The following NTN1 variants were observed in gnomAD, a reference collection of about 807,000 sequenced individuals.
NTN1 encodes netrin 1, also known as netrin-1.
NTN1 carries 11 observed loss-of-function variants against 54.2 expected under a neutral mutation model. The ratio of observed to expected loss-of-function variants is 0.20; its 90% CI spans 0.13 to 0.34. The LOEUF (loss-of-function observed/expected upper bound fraction) is 0.34. Ranked by LOEUF, NTN1 falls within the 10% of genes least tolerant of loss-of-function variation. The pLI is 1.00. For synonymous variants in NTN1, 371 were observed against 382.0 expected (o/e 0.97, Z 0.33); for missense variants, 740 against 893.1 (o/e 0.83, Z 2.18).
chr17:9,186,622 GATGGTAGTCTGA>G (rs1198323657), intron 5 of NTN1, among the ~76,000 whole-genome samples: 1 of 152,218 alleles, frequency 6.6e-6, no homozygotes, highest in Non-Finnish European at 1.5e-5. Flanking sequence ...ACATTACCTT[GATGGTAGTCTGA>G]AAGGAAAACT....
chr17:9,028,709 A>C (rs2091879371), intron 2 of NTN1, among the ~76,000 whole-genome samples: 1 of 152,194 alleles, frequency 6.6e-6, no homozygotes, highest in Non-Finnish European at 1.5e-5. Context: ...TGTGCTTTTC[A>C]TTAAGTAAAT....
In NTN1 at chr17:9,219,659, C is replaced by A. The variant is rs1212729566; in HGVS notation, c.1412-1509C>A. On this transcript the variant is annotated intron_variant, in intron 5 of 6. Transcript: ENST00000173229. This position sits in a 1 kb window ranked among gnomAD's most constrained non-coding sequence, Gnocchi z 4.5. ...CCTGGAGAGGTCTCCCTGAACACTCCCTGCAGATCTAAGTCCTGGGTTGGG... is the reference window on the plus strand; with the variant it reads ...CCTGGAGAGGTCTCCCTGAACACTCACTGCAGATCTAAGTCCTGGGTTGGG... Among the ~76,000 whole-genome samples the A allele has an allele frequency of 1.3e-5, 2 of 152,214 alleles. No homozygotes were observed. The highest frequency in any genetic ancestry group is 4.8e-5 in the African/African-American group (2 of 41,456).
chr17:9,217,353 G>C (rs990242861), intron 5 of NTN1, among the ~76,000 whole-genome samples: 1 of 152,154 alleles, frequency 6.6e-6, no homozygotes, highest in South Asian at 2.1e-4. Context: ...CATCAGTTTC[G>C]TTTTTGGCAC....
intron 2 of NTN1, among the ~76,000 whole-genome samples, chr17:9,108,748 C>G (rs1469162393): frequency 6.6e-6 from 1 of 152,166 alleles, no homozygotes; most frequent in Admixed American, 6.5e-5. Context: ...GGCTGGTGGT[C>G]CTTTCTGTCC....
chr17:9,211,443 C>T lies in NTN1; in HGVS notation c.1412-9725C>T, dbSNP rs1003841644. Among the ~76,000 whole-genome samples, 3 of 152,170 alleles carry T rather than the reference C, an allele frequency of 2.0e-5. No homozygotes were observed. The highest frequency in any genetic ancestry group is 7.2e-5 in the African/African-American group (3 of 41,426). The stretch of plus-strand genomic sequence containing the variant: ...CGTCAGGAATGGGAGTGATGACACT[C>T]GTGCTGTTGGCCTCTCCCCTCCTGC... On this transcript the variant is annotated intron_variant, in intron 5 of 6. Transcript: ENST00000173229. This position sits in a 1 kb window ranked among gnomAD's most constrained non-coding sequence, Gnocchi z 4.4.
intron 2 of NTN1, among the ~76,000 whole-genome samples, chr17:9,034,200 G>T (rs1433720354): frequency 6.6e-6 from 1 of 152,110 alleles, no homozygotes; most frequent in East Asian, 1.9e-4. Context: ...ATTGGATAGG[G>T]TGGGGAGTGT....
intron 2 of NTN1, among the ~76,000 whole-genome samples, chr17:9,130,281 CTG>C (rs916580081): frequency 2.0e-5 from 3 of 152,156 alleles, no homozygotes; most frequent in Admixed American, 1.3e-4. Flanking sequence ...GGCCAGCTCT[CTG>C]TGTCCCTGCT....
chr17:9,063,460 A>G (rs1047146187), intron 2 of NTN1, among the ~76,000 whole-genome samples: 8 of 152,166 alleles, frequency 5.3e-5, no homozygotes, highest in Non-Finnish European at 8.8e-5. Context: ...GTGTTTCTCC[A>G]TGGTCCAAAC....
upstream of NTN1, among the ~76,000 whole-genome samples, chr17:9,016,763 A>G (rs1356326683): frequency 1.3e-5 from 2 of 151,312 alleles, no homozygotes; most frequent in Non-Finnish European, 2.9e-5. Flanking sequence ...CTTCTGTCCC[A>G]CCTCCTGGAA....
intron 5 of NTN1, among the ~76,000 whole-genome samples, chr17:9,215,265 AC>A (rs1442632100): frequency 8.4e-6 from 1 of 118,592 alleles, no homozygotes; most frequent in African/African-American, 3.4e-5. Context: ...ACACACACAC[AC>A]ACACACACAC....
chr17:9,097,746 C>T (rs115990712), intron 2 of NTN1, among the ~76,000 whole-genome samples: 91 of 152,198 alleles, frequency 6.0e-4, no homozygotes, highest in African/African-American at 2.0e-3. Flanking sequence ...TGCAGTTAAG[C>T]GCTTTTATCA....
chr17:9,204,750 C>G, intron 5 of NTN1, among the ~76,000 whole-genome samples: 1 of 152,200 alleles, frequency 6.6e-6, no homozygotes, highest in African/African-American at 2.4e-5. Context: ...TCCCAAATAG[C>G]CACTGTAGGA....
rs74882645 is a variant in NTN1, at chr17:9,076,497, C to T, written c.1018+53106C>T. On this transcript the variant is annotated intron_variant, in intron 2 of 6. Transcript: ENST00000173229. ...AAGCAATCCTCCCACCTCAGCATCC[C>T]GAGTAGCTGGGACCACAGGCACACA... Among the ~76,000 whole-genome samples, 71 of 152,234 alleles carry T rather than the reference C, an allele frequency of 4.7e-4. 1 individual carries two copies. The East Asian group carries it at 0.011, about 24-fold the overall frequency.
chr17:9,236,544 C>T (rs922812511), intron 6 of NTN1, among the ~76,000 whole-genome samples: 8 of 152,208 alleles, frequency 5.3e-5, no homozygotes, highest in East Asian at 3.9e-4. Context: ...CCAAGGGCAG[C>T]GGAAATGTGG....
At chr17:9,058,632 G>A (rs1386067532) in intron 2 of NTN1, among the ~76,000 whole-genome samples, 1 of 85,702 alleles carries the variant, frequency 1.2e-5, no homozygotes, top group African/African-American at 5.1e-5. Flanking sequence ...CCCATGGTAG[G>A]CACTCAAAAA....
intron 3 of NTN1, among the ~76,000 whole-genome samples, chr17:9,169,796 C>T (rs2092382502): frequency 6.6e-6 from 1 of 152,156 alleles, no homozygotes; most frequent in Middle Eastern, 3.2e-3. Flanking sequence ...GCCTGGGAGG[C>T]AGAGGTTACA....
Position 9,139,755 on chromosome 17 carries a change from T to A in NTN1, c.1019-23058T>A, listed in dbSNP as rs540774302. On this transcript the variant is annotated intron_variant, in intron 2 of 6. Transcript: ENST00000173229. ...CACAGTAAAAATGTATTTACCATTA[T>A]GAATTATTATCTAGTACATCCATCT... Among the ~76,000 whole-genome samples the A allele has an allele frequency of 1.3e-3, 203 of 152,348 alleles. 1 individual carries two copies. The highest frequency in any genetic ancestry group is 3.4e-3 in the Middle Eastern group (1 of 294).
chr17:9,111,333 AT>A (rs898074542), intron 2 of NTN1, among the ~76,000 whole-genome samples: 18 of 152,224 alleles, frequency 1.2e-4, no homozygotes, highest in African/African-American at 4.1e-4. Flanking sequence ...TCATGGACAT[AT>A]CTTTTTGGGG....
intron 2 of NTN1, among the ~76,000 whole-genome samples, chr17:9,066,904 G>A (rs1205283399): frequency 1.3e-5 from 2 of 151,728 alleles, no homozygotes; most frequent in Non-Finnish European, 2.9e-5. Flanking sequence ...GGGAGGCTGA[G>A]GCAGGAGGAT....
Sources: allele counts gnomAD v4.1 joint callset (sites outside exome capture counted in the v4.1 genomes callset), GRCh38; gene constraint gnomAD v4.1.1; non-coding constraint Gnocchi (gnomAD v3.1); transcripts MANE v1.5; gene names NCBI Gene and HGNC (gene_info 2026-07-23, HGNC 2026-07-21).